Variants in HCN1 observed in about 807,000 individuals in gnomAD.
HCN1 encodes the protein potassium/sodium hyperpolarization-activated cyclic nucleotide-gated channel 1.
Under a neutral mutation model 78.9 loss-of-function variants are expected in HCN1, and 13 were observed. The ratio of observed to expected loss-of-function variants is 0.16; its 90% CI spans 0.11 to 0.26. The LOEUF is 0.26. Ranked by LOEUF, HCN1 falls within the 10% of genes least tolerant of loss-of-function variation. The pLI is 1.00. For synonymous variants in HCN1, 552 were observed against 455.5 expected (o/e 1.21, Z -2.70); for missense variants, 810 against 1,154.3 (o/e 0.70, Z 4.32).
At chr5:45,292,196 C>A (rs1050710049) in intron 6 of HCN1, among the ~76,000 whole-genome samples, 12 of 151,450 alleles carry the variant, frequency 7.9e-5, no homozygotes, top group African/African-American at 2.7e-4. Context: ...ATTCTAGATA[C>A]AATTTCCTTG....
At chr5:45,554,946 C>T (rs576735525) in intron 2 of HCN1, among the ~76,000 whole-genome samples, 148 of 151,926 alleles carry the variant, frequency 9.7e-4, no homozygotes, top group African/African-American at 3.4e-3. Context: ...TAAGAGATTT[C>T]CTTTTAATGA....
rs188321397 is a variant in HCN1, at chr5:45,502,862, C to T, written c.850-40855G>A. The stretch of plus-strand genomic sequence containing the variant: ...ACTGAAGAGGAATTTTAACGTCCTG[C>T]ATTGAGGAAAACTTCGCATTTTTAA... On this transcript the variant is annotated intron_variant, in intron 2 of 7. Coordinates refer to ENST00000303230, the MANE Select transcript of HCN1 (RefSeq NM_021072.4). Among the ~76,000 whole-genome samples the T allele has an allele frequency of 2.0e-5, 3 of 152,134 alleles. No homozygotes were observed. In the East Asian group the frequency reaches 5.8e-4, roughly 29 times the overall value.
At chr5:45,660,622 A>C (rs1243930034) in intron 1 of HCN1, among the ~76,000 whole-genome samples, 1 of 151,840 alleles carries the variant, frequency 6.6e-6, no homozygotes. Context: ...TACCAAGCCA[A>C]TGGAAAACAA....
intron 4 of HCN1, among the ~76,000 whole-genome samples, chr5:45,384,183 G>A (rs1164018875): frequency 6.6e-6 from 1 of 152,034 alleles, no homozygotes. Flanking sequence ...ACATCCCCGT[G>A]CAGTATTTGG....
chr5:45,568,612 G>A lies in HCN1; in HGVS notation c.849+76573C>T, dbSNP rs1414989912. Among the ~76,000 whole-genome samples, 4 of 151,922 alleles carry A rather than the reference G, an allele frequency of 2.6e-5. No homozygotes were observed. In the South Asian group the frequency reaches 8.3e-4, roughly 32 times the overall value. On this transcript the variant is annotated intron_variant, in intron 2 of 7. Transcript: ENST00000303230. The stretch of plus-strand genomic sequence containing the variant: ...ATGTTAATGACTGTTATTATTATTA[G>A]TTTTAAAAATCAATCATTTTTTATT...
chr5:45,617,724 C>A (rs917680822), intron 2 of HCN1, among the ~76,000 whole-genome samples: 5 of 151,960 alleles, frequency 3.3e-5, no homozygotes, highest in Non-Finnish European at 5.9e-5. Context: ...ATGCAGATGA[C>A]AAATTTAGGA....
chr5:45,692,634 T>G (rs1739936008), intron 1 of HCN1, among the ~76,000 whole-genome samples: 1 of 152,156 alleles, frequency 6.6e-6, no homozygotes, highest in Admixed American at 6.5e-5. Context: ...ATACAGCAAC[T>G]CTGCCCTACT....
intron 2 of HCN1, among the ~76,000 whole-genome samples, chr5:45,466,453 G>A (rs527488120): frequency 3.3e-5 from 5 of 152,048 alleles, no homozygotes; most frequent in African/African-American, 1.2e-4. Flanking sequence ...ATACACCTTC[G>A]TAAGTATCAA....
At chr5:45,657,386 TA>T (rs1745791988) in intron 1 of HCN1, among the ~76,000 whole-genome samples, 1 of 152,214 alleles carries the variant, frequency 6.6e-6, no homozygotes, top group African/African-American at 2.4e-5. Context: ...TGGTACTTAT[TA>T]AATCTTTTTT....
intron 5 of HCN1, among the ~76,000 whole-genome samples, chr5:45,330,941 T>G (rs186017645): frequency 1.3e-5 from 2 of 151,396 alleles, no homozygotes; most frequent in South Asian, 2.1e-4. Context: ...ACTTTAAAAA[T>G]GTTATTTTAT....
At chr5:45,317,589 C>A (rs1746021923) in intron 5 of HCN1, among the ~76,000 whole-genome samples, 1 of 152,104 alleles carries the variant, frequency 6.6e-6, no homozygotes, top group Admixed American at 6.6e-5. Flanking sequence ...TAAAGAGCTT[C>A]TGCACAGCAA....
chr5:45,428,545 T>C (rs927034438), intron 3 of HCN1, among the ~76,000 whole-genome samples: 1 of 152,150 alleles, frequency 6.6e-6, no homozygotes, highest in East Asian at 1.9e-4. Flanking sequence ...ATTTTGTATT[T>C]AAGTATTTAA....
intron 3 of HCN1, among the ~76,000 whole-genome samples, chr5:45,419,860 C>T (rs1740192307): frequency 6.6e-6 from 1 of 152,118 alleles, no homozygotes; most frequent in East Asian, 1.9e-4. Flanking sequence ...CTCTTTAGTC[C>T]CCAACATTCC....
intron 2 of HCN1, among the ~76,000 whole-genome samples, chr5:45,517,161 C>T (rs987612836): frequency 2.0e-5 from 3 of 151,930 alleles, no homozygotes; most frequent in South Asian, 2.1e-4. Context: ...TTAATACAGA[C>T]TCCTGGATAT....
At chr5:45,315,556 A>G (rs1192184892) in intron 5 of HCN1, among the ~76,000 whole-genome samples, 1 of 152,198 alleles carries the variant, frequency 6.6e-6, no homozygotes, top group Non-Finnish European at 1.5e-5. Flanking sequence ...GCAAGAAATA[A>G]CTAAGATCAG....
chr5:45,637,646 A>C (rs561981872), intron 2 of HCN1, among the ~76,000 whole-genome samples: 1 of 151,824 alleles, frequency 6.6e-6, no homozygotes, highest in African/African-American at 2.4e-5. Context: ...GCAATGCGTA[A>C]ATAAAATGAG....
intron 5 of HCN1, among the ~76,000 whole-genome samples, chr5:45,321,625 C>G (rs1398621570): frequency 6.7e-6 from 1 of 150,116 alleles, no homozygotes; most frequent in East Asian, 1.9e-4. Context: ...AGACTAATAC[C>G]TATTTTTTTT....
At chr5:45,322,121 C>T (rs907103106) in intron 5 of HCN1, among the ~76,000 whole-genome samples, 1 of 151,806 alleles carries the variant, frequency 6.6e-6, no homozygotes, top group Admixed American at 6.6e-5. Flanking sequence ...GACATAGTCA[C>T]AAATGTTTTA....
rs1579801798 is a variant in HCN1 at position 45,313,326 on chromosome 5, T to C, written c.1378-9487A>G. On this transcript the variant is annotated intron_variant, in intron 5 of 7. Transcript: ENST00000303230. ...GGGTCCTGACTGTTAGAAGGAAAAC[T>C]AACAAACAGAAAGGACATTCACACC... Among the ~76,000 whole-genome samples, 11 of 152,076 alleles carry C rather than the reference T, an allele frequency of 7.2e-5. No homozygotes were observed. In the South Asian group the frequency reaches 2.3e-3, roughly 32 times the overall value.
Sources: gnomAD v4.1 joint callset for allele counts (sites outside exome capture counted in the v4.1 genomes callset) on GRCh38, gnomAD v4.1.1 for gene constraint, MANE v1.5 for transcripts, NCBI Gene and HGNC (gene_info 2026-07-23, HGNC 2026-07-21) for gene names.